Variants in LRRC4C observed in about 807,000 individuals in gnomAD.
LRRC4C encodes the protein leucine rich repeat containing 4C.
Under a neutral mutation model 33.6 loss-of-function variants are expected in LRRC4C, and 5 were observed. That is an observed-to-expected ratio of 0.15 (90% CI 0.08 to 0.31). The LOEUF (loss-of-function observed/expected upper bound fraction) is 0.31. Ranked by LOEUF, LRRC4C falls within the 10% of genes least tolerant of loss-of-function variation. The pLI is 1.00. For missense variants in LRRC4C, 560 were observed against 796.7 expected (o/e 0.70, Z 3.58); for synonymous variants, 329 against 302.0 (o/e 1.09, Z -0.93).
intron 2 of LRRC4C, among the ~76,000 whole-genome samples, chr11:40,933,394 C>T (rs766921557): frequency 3.3e-5 from 5 of 152,228 alleles, no homozygotes; most frequent in Non-Finnish European, 5.9e-5. Context: ...TATTAATTTA[C>T]AAACATGGAC....
intron 3 of LRRC4C, among the ~76,000 whole-genome samples, chr11:40,390,855 T>A (rs1368449017): frequency 1.3e-5 from 2 of 151,966 alleles, no homozygotes; most frequent in African/African-American, 2.4e-5. Flanking sequence ...AATAATCTCT[T>A]TTCTTTTCTT....
At chr11:41,322,463 T>G (rs2137283327) in intron 1 of LRRC4C, among the ~76,000 whole-genome samples, 1 of 152,218 alleles carries the variant, frequency 6.6e-6, no homozygotes, top group South Asian at 2.1e-4. Flanking sequence ...TCAGGCCAAA[T>G]TTTCTCAGTA....
At chr11:40,406,516 A>T (rs1239125565) in intron 3 of LRRC4C, among the ~76,000 whole-genome samples, 1 of 152,184 alleles carries the variant, frequency 6.6e-6, no homozygotes, top group Non-Finnish European at 1.5e-5. Flanking sequence ...GGCAGTATAC[A>T]TATTAATTGA....
chr11:41,119,174 A>G (rs1942297015), intron 1 of LRRC4C, among the ~76,000 whole-genome samples: 1 of 152,084 alleles, frequency 6.6e-6, no homozygotes, highest in Non-Finnish European at 1.5e-5. Context: ...TTCAGCTAAC[A>G]TTTTCCAAAC....
intron 1 of LRRC4C, among the ~76,000 whole-genome samples, chr11:41,458,201 C>A (rs1053240418): frequency 6.6e-6 from 1 of 152,088 alleles, no homozygotes; most frequent in Non-Finnish European, 1.5e-5. Flanking sequence ...AGTTAACACA[C>A]CTGTCATCTC....
At chr11:40,169,201 G>A (rs1320528978) in intron 5 of LRRC4C, among the ~76,000 whole-genome samples, 1 of 152,092 alleles carries the variant, frequency 6.6e-6, no homozygotes, top group Non-Finnish European at 1.5e-5. Flanking sequence ...CTTTAAATAG[G>A]AACCTAGTAT....
At chr11:41,281,083 CTCTCT>C (rs1949659446) in intron 1 of LRRC4C, among the ~76,000 whole-genome samples, 1 of 85,546 alleles carries the variant, frequency 1.2e-5, no homozygotes, top group Non-Finnish European at 2.6e-5. Context: ...TCTGTCCTCT[CTCTCT>C]CTCTCTCTCT....
chr11:40,561,454 C>A (rs1376906547), intron 3 of LRRC4C, among the ~76,000 whole-genome samples: 1 of 145,572 alleles, frequency 6.9e-6, no homozygotes, highest in African/African-American at 2.6e-5. Context: ...GCTCTGTTGC[C>A]CAGGCTGGAT....
At chr11:40,267,227 T>C (rs147321371) in intron 4 of LRRC4C, among the ~76,000 whole-genome samples, 12 of 152,100 alleles carry the variant, frequency 7.9e-5, no homozygotes, top group African/African-American at 2.9e-4. Context: ...TCTGAATAAG[T>C]GTTTAGTAAA....
At chr11:40,647,640 C>T (rs549351790) in intron 3 of LRRC4C, among the ~76,000 whole-genome samples, 4 of 152,186 alleles carry the variant, frequency 2.6e-5, no homozygotes, top group African/African-American at 7.2e-5. Context: ...TAAAGCTTTC[C>T]GATCTCCCCA....
intron 5 of LRRC4C, among the ~76,000 whole-genome samples, chr11:40,182,639 TATG>T (rs1207512669): frequency 1.3e-5 from 2 of 152,188 alleles, no homozygotes; most frequent in Non-Finnish European, 2.9e-5. Flanking sequence ...ACATTTACAA[TATG>T]ATACAGATAC....
chr11:41,220,553 C>T (rs972199383), intron 1 of LRRC4C, among the ~76,000 whole-genome samples: 5 of 150,926 alleles, frequency 3.3e-5, no homozygotes, highest in Admixed American at 2.6e-4. Context: ...CACACACACA[C>T]ACACACACAA....
chr11:40,235,316 T>C (rs1033505598), intron 5 of LRRC4C, among the ~76,000 whole-genome samples: 6 of 152,242 alleles, frequency 3.9e-5, no homozygotes, highest in African/African-American at 9.6e-5. Context: ...TTAATGTTTT[T>C]GATTATATTA....
chr11:40,520,418 ATACT>A (rs1955761322), intron 3 of LRRC4C, among the ~76,000 whole-genome samples: 1 of 152,214 alleles, frequency 6.6e-6, no homozygotes, highest in South Asian at 2.1e-4. Context: ...TTTCACTTGA[ATACT>A]TACTGATTAT....
intron 1 of LRRC4C, among the ~76,000 whole-genome samples, chr11:41,402,429 G>C (rs1354325014): frequency 1.3e-5 from 2 of 152,028 alleles, no homozygotes; most frequent in South Asian, 4.1e-4. Flanking sequence ...CTACAGGTCA[G>C]TGCTTATGTC....
At chr11:40,573,289 TTTTC>T (rs1389114587) in intron 3 of LRRC4C, among the ~76,000 whole-genome samples, 2 of 152,176 alleles carry the variant, frequency 1.3e-5, no homozygotes, top group East Asian at 3.9e-4. Context: ...GTTTCTGGTG[TTTTC>T]TTTATTATGA....
At chr11:40,651,297 A>T (rs573088788) in intron 2 of LRRC4C, among the ~76,000 whole-genome samples, 4 of 152,164 alleles carry the variant, frequency 2.6e-5, no homozygotes, top group African/African-American at 9.6e-5. Flanking sequence ...CAATTTGCTG[A>T]TCCTTCCTGG....
intron 3 of LRRC4C, among the ~76,000 whole-genome samples, chr11:40,513,664 G>C (rs557241035): frequency 6.6e-6 from 1 of 152,236 alleles, no homozygotes; most frequent in East Asian, 1.9e-4. Flanking sequence ...ATTAGAAGGG[G>C]TGCATAGAGG....
Position 40,173,691 on chromosome 11 carries a change from C to T in LRRC4C, c.-95-32838G>A, listed in dbSNP as rs77304839. 2.3e-3 allele frequency among the ~76,000 whole-genome samples: 355 copies of T among 152,270 alleles called. 2 individuals carry two copies. Among genetic ancestry groups the T allele is most frequent in the African/African-American group, 7.7e-3 (322 of 41,558 alleles). On this transcript the variant is annotated intron_variant, in intron 5 of 6. Transcript: ENST00000528697. ...TGCCTAGATGATCATACCTGTAAAA[C>T]GTCAGTGCCATCCCCTAGGAAGAAG...
Sources: allele counts gnomAD v4.1 joint callset (sites outside exome capture counted in the v4.1 genomes callset), GRCh38; gene constraint gnomAD v4.1.1; transcripts MANE v1.5; gene names NCBI Gene and HGNC (gene_info 2026-07-23, HGNC 2026-07-21).